Variants in NR2C1 observed in about 807,000 individuals in gnomAD.
NR2C1 encodes TR2 nuclear hormone receptor.
In NR2C1, 33 loss-of-function variants were observed where a neutral mutation model predicts 74.8. That is an observed-to-expected ratio of 0.44 (90% CI 0.33 to 0.59). NR2C1 has a LOEUF of 0.59. Among genes scored for constraint, NR2C1 ranks in the 20% least tolerant of loss-of-function variants. The probability of loss-of-function intolerance (pLI) is 0.02; values close to 1 mark genes in which losing one functional copy is unlikely to be tolerated. For synonymous variants in NR2C1, 225 were observed against 240.6 expected, an observed-to-expected ratio of 0.94 and a Z score of 0.60; for missense variants, 568 against 715.6, an observed-to-expected ratio of 0.79 and a Z score of 2.35.
intron 9 of NR2C1, among the ~76,000 whole-genome samples, chr12:95,045,762 C>G (rs866609414): frequency 2.0e-5 from 3 of 152,182 alleles, no homozygotes; most frequent in South Asian, 2.1e-4. Flanking sequence ...TTCTTAAAAT[C>G]TTCTAAGGAG....
rs1278471886 is a variant in NR2C1 at position 95,021,204 on chromosome 12, ACTTT to A, written c.*1021_*1024del. On this transcript the variant is annotated 3_prime_UTR_variant, in exon 14 of 14. Coordinates refer to ENST00000333003, the MANE Select transcript of NR2C1 (RefSeq NM_003297.4). ...ATTTTGGGCTCAATTAGTCTTTATTACTTTCTTTCTTTTTACAGAGACGAGGTCT... is the reference window on the plus strand; with the variant it reads ...ATTTTGGGCTCAATTAGTCTTTATTACTTTCTTTTTACAGAGACGAGGTCT... The A allele has an allele frequency of 3.3e-5, 5 of 152,018 alleles. No individual in the cohort carries two copies. Among genetic ancestry groups the A allele is most frequent in the African/African-American group, 1.2e-4 (5 of 41,428 alleles). The allele number at this position is 152,018 out of a possible 1,614,324, so 9.4% of individuals were successfully genotyped here.
intron 7 of NR2C1, among the ~76,000 whole-genome samples, chr12:95,053,982 C>T (rs1458420292): frequency 2.0e-5 from 3 of 151,414 alleles, no homozygotes; most frequent in Admixed American, 2.0e-4. Flanking sequence ...TGTGCCTGGC[C>T]CTTTTTGGTG....
At chr12:95,060,039 A>G (rs924223398) in intron 3 of NR2C1, 55 bp from the exon 4 acceptor site, 8 of 1,330,698 alleles carry the variant, frequency 6.0e-6, no homozygotes, top group Middle Eastern at 4.5e-4. Context: ...TTGTTACTCA[A>G]CAGCACTCAT....
At chr12:95,027,069 T>G (rs1253765874) in intron 12 of NR2C1, among the ~76,000 whole-genome samples, 1 of 152,156 alleles carries the variant, frequency 6.6e-6, no homozygotes, top group Non-Finnish European at 1.5e-5. Context: ...TTTCATTTAT[T>G]TTTGAGACAG....
chr12:95,049,865 G>T (rs932342730), intron 8 of NR2C1, among the ~76,000 whole-genome samples: 1 of 152,038 alleles, frequency 6.6e-6, no homozygotes, highest in South Asian at 2.1e-4. Context: ...GCATGATCAT[G>T]GCTCACTGTA....
rs750441252 is a variant in NR2C1, at chr12:95,057,753, C to A, written c.670G>T (p.Val224Leu). 1 of 1,614,056 alleles carries A rather than the reference C, an allele frequency of 6.2e-7. No homozygotes were observed. Among genetic ancestry groups the A allele is most frequent in the Non-Finnish European group, 8.5e-7 (1 of 1,179,980 alleles). Residue 224 changes from valine (V) to leucine (L), a missense_variant, in exon 6 of 14, where the codon GTA becomes TTA. By Grantham distance (32) the Val-to-Leu change is conservative. This residue lies in a region of NR2C1 where 239 missense variants were observed against 232.3 expected (regional missense o/e 1.03). Coordinates refer to ENST00000333003, the MANE Select transcript of NR2C1 (RefSeq NM_003297.4). The stretch of plus-strand genomic sequence containing the variant: ...TACCTTGTACTTTCACTATCTGTTA[C>A]AAAAGTTGGAGTTGCAGTTAATGGG... ...RSPLTATPTF[V>L]TDSESTRSTG...
intron 13 of NR2C1, among the ~76,000 whole-genome samples, chr12:95,022,891 C>G (rs950852036): frequency 1.3e-5 from 2 of 149,100 alleles, no homozygotes; most frequent in Admixed American, 1.3e-4. Flanking sequence ...TTTGTAGAGA[C>G]AGGGTCTCAC....
At chr12:95,059,301 C>CAAA (rs202083036) in intron 4 of NR2C1, among the ~76,000 whole-genome samples, 2 of 137,468 alleles carry the variant, frequency 1.5e-5, no homozygotes, top group South Asian at 2.3e-4. Context: ...GACTCCATCT[C>CAAA]AAAAAAAAAA....
At chr12:95,023,571 T>G (rs1400096367) in intron 13 of NR2C1, among the ~76,000 whole-genome samples, 1 of 150,640 alleles carries the variant, frequency 6.6e-6, no homozygotes, top group East Asian at 1.9e-4. Flanking sequence ...AAATCTTGAT[T>G]GAACTGCCCA....
At chr12:95,030,675 A>C in intron 11 of NR2C1, 1 of 1,606,234 alleles carries the variant, frequency 6.2e-7, no homozygotes. Context: ...ATTATATAAA[A>C]CAATAAGAAA....
intron 9 of NR2C1, among the ~76,000 whole-genome samples, chr12:95,047,328 CT>C (rs1171616967): frequency 2.6e-5 from 4 of 152,158 alleles, no homozygotes; most frequent in African/African-American, 9.7e-5. Context: ...ATTCCAATTA[CT>C]TTTTCTTATA....
chr12:95,058,867 G>A (rs558613680), intron 4 of NR2C1, among the ~76,000 whole-genome samples: 5 of 151,912 alleles, frequency 3.3e-5, no homozygotes, highest in Admixed American at 2.0e-4. Context: ...GGCCTCAAGC[G>A]ATCCTCCTGC....
At chr12:95,045,822 TGAA>T (rs762352136) in intron 9 of NR2C1, among the ~76,000 whole-genome samples, 6 of 152,124 alleles carry the variant, frequency 3.9e-5, no homozygotes, top group Non-Finnish European at 5.9e-5. Context: ...CCAAAAATTA[TGAA>T]GTTTAATAAA....
intron 7 of NR2C1, among the ~76,000 whole-genome samples, chr12:95,057,179 A>C (rs1874049602): frequency 7.4e-6 from 1 of 135,792 alleles, no homozygotes; most frequent in Non-Finnish European, 1.5e-5. Flanking sequence ...ATCTCGGCTC[A>C]CTGCAACCTC....
At chr12:95,050,684 A>G (rs1470404362) in intron 8 of NR2C1, among the ~76,000 whole-genome samples, 1 of 151,342 alleles carries the variant, frequency 6.6e-6, no homozygotes, top group Non-Finnish European at 1.5e-5. Flanking sequence ...TCAAAATCCC[A>G]GGCTGAAGTG....
At chr12:95,072,444 C>T (rs1275551802) in intron 1 of NR2C1, among the ~76,000 whole-genome samples, 1 of 140,232 alleles carries the variant, frequency 7.1e-6, no homozygotes, top group East Asian at 2.1e-4. Flanking sequence ...AGTGAGACTC[C>T]CTCTCCCTCT....
rs76941968 is a variant in NR2C1 at position 95,049,039 on chromosome 12, T to C, written c.1131+29A>G. On this transcript the variant is annotated intron_variant, in intron 9 of 13. Coordinates refer to ENST00000333003, the MANE Select transcript of NR2C1 (RefSeq NM_003297.4). The stretch of plus-strand genomic sequence containing the variant: ...TAGATCAAAATCAAGCAACACAACA[T>C]ACAAGTTAAAAAAAACATATAGAAA... The C allele has an allele frequency of 6.3e-6, 10 of 1,599,102 alleles. No homozygotes were observed. In the East Asian group the frequency reaches 1.3e-4, roughly 21 times the overall value.
chr12:95,026,494 G>T (rs1158217779), intron 12 of NR2C1, among the ~76,000 whole-genome samples: 1 of 152,028 alleles, frequency 6.6e-6, no homozygotes, highest in Non-Finnish European at 1.5e-5. Context: ...TCTCATGGAT[G>T]AAAATTTTAA....
intron 9 of NR2C1, among the ~76,000 whole-genome samples, chr12:95,046,728 A>G (rs1449766611): frequency 2.6e-5 from 4 of 152,240 alleles, no homozygotes; most frequent in Non-Finnish European, 5.9e-5. Context: ...CTCAGCAAGT[A>G]AGAAAGGACT....
Sources: gnomAD v4.1 joint callset for allele counts (sites outside exome capture counted in the v4.1 genomes callset) on GRCh38, gnomAD v4.1.1 for gene constraint, gnomAD v4.1.1 regional missense constraint, MANE v1.5 for transcripts, NCBI Gene and HGNC (gene_info 2026-07-23, HGNC 2026-07-21) for gene names.